ANO6: variants seen among roughly 807,000 people sequenced by gnomAD.
ANO6 encodes the protein anoctamin 6.
In ANO6, 106 loss-of-function variants were observed where a neutral mutation model predicts 117.5. That is an observed-to-expected ratio of 0.90 (90% CI 0.77 to 1.06). ANO6 has a LOEUF of 1.06. Ranked by LOEUF, ANO6 falls within the 50% of genes least tolerant of loss-of-function variation. The pLI is 0.00. For synonymous variants in ANO6, 367 were observed against 385.1 expected, an observed-to-expected ratio of 0.95 and a Z score of 0.55; for missense variants, 955 against 1,121.1, an observed-to-expected ratio of 0.85 and a Z score of 2.12.
intron 1 of ANO6, 111 bp downstream of exon 1, chr12:45,216,502 C>T: frequency 2.4e-6 from 3 of 1,249,762 alleles, no homozygotes; most frequent in Non-Finnish European, 3.3e-6. Flanking sequence ...GGCCGAGACG[C>T]TCGGCCGCTC....
At chr12:45,440,065 T>A in exon 20 of ANO6, 1 of 985,558 alleles carries the variant, frequency 1.0e-6, no homozygotes, top group Non-Finnish European at 1.3e-6. Context: ...TTAAGACCAT[T>A]AATTTTCCTC....
chr12:45,278,095 A>G lies in ANO6; in HGVS notation c.71-23919A>G, dbSNP rs200346306. On this transcript the variant is annotated intron_variant, in intron 1 of 19. Transcript: ENST00000320560. ...AACCACCCTCCACCTCGTAGCTAAG[A>G]CTATATGCATGCACCACACCTGGCT... Among the ~76,000 whole-genome samples the G allele has an allele frequency of 2.0e-4, 30 of 151,912 alleles. No individual in the cohort carries two copies. The East Asian group carries it at 4.8e-3, about 24-fold the overall frequency.
At chr12:45,270,644 G>C (rs555627294) in intron 1 of ANO6, 39 of 449,418 alleles carry the variant, frequency 8.7e-5, no homozygotes, top group African/African-American at 6.7e-4. Flanking sequence ...TGGGGTTTCA[G>C]ATAATATTTG....
At position 45,357,404 on chromosome 12, in the gene ANO6, T is replaced by C. The variant is rs1941440776; in HGVS notation, c.978T>C (p.Asn326=). The C allele has an allele frequency of 1.9e-6, 3 of 1,613,636 alleles. No homozygotes were observed. The highest frequency in any genetic ancestry group is 2.5e-6 in the Non-Finnish European group (3 of 1,179,992). ...CTTGCTTTCTCTATGGATATCTTAA[T>C]CAAGATAACTGTACATGGAGGTAAC... is the stretch of plus-strand genomic sequence containing the variant. ...GVACFLYGYL[N]QDNCTWSKEV... Residue 326 remains asparagine (N), a synonymous_variant, in exon 8 of 20, where the codon AAT becomes AAC. Transcript: ENST00000320560.
In ANO6 at chr12:45,416,841, C is replaced by T. The variant is rs1215680794; in HGVS notation, c.2154C>T (p.Ala718=). The T allele has an allele frequency of 6.2e-7, 1 of 1,614,110 alleles. No homozygotes were observed. Among genetic ancestry groups the T allele is most frequent in the East Asian group, 2.2e-5 (1 of 44,876 alleles). ...TTAGACGCCTGGTACCAGAGAAAGC[C>T]CAAGACATTGGAGCATGGCAGCCCA... is the stretch of plus-strand genomic sequence containing the variant. ...TQFRRLVPEK[A]QDIGAWQPIM... is the part of the protein sequence containing the mutation. Residue 718 remains alanine (A), a synonymous_variant, in exon 17 of 20, where the codon GCC becomes GCT. Coordinates refer to ENST00000320560, the MANE Select transcript of ANO6 (RefSeq NM_001025356.3).
At chr12:45,221,952 GCTCACGGCAA>G (rs1947406993) in intron 1 of ANO6, among the ~76,000 whole-genome samples, 5 of 147,308 alleles carry the variant, frequency 3.4e-5, no homozygotes, top group Admixed American at 1.4e-4. Flanking sequence ...CGTGATCTCA[GCTCACGGCAA>G]GCTCCGCCTC....
In ANO6 at chr12:45,418,726, G is replaced by T. The variant is rs564217369; in HGVS notation, c.2217+1822G>T. ...ATGGAGGATTGGCTGTTTCCAAGGCGACTCAGTGTGTGTATGTGTACAGAC... is the reference window on the plus strand; with the variant it reads ...ATGGAGGATTGGCTGTTTCCAAGGCTACTCAGTGTGTGTATGTGTACAGAC... On this transcript the variant is annotated intron_variant, in intron 17 of 19. Transcript: ENST00000320560. Among the ~76,000 whole-genome samples the T allele has an allele frequency of 7.2e-5, 11 of 152,226 alleles. No homozygotes were observed. In the South Asian group the frequency reaches 2.1e-3, roughly 29 times the overall value.
chr12:45,423,074 A>G lies in ANO6; in HGVS notation c.2526+12A>G. ...TCATTGTCATGGAGGTAGGAAAAGT[A>G]TGCTTTCAAACAGTTTATAAGGATG... is the stretch of plus-strand genomic sequence containing the variant. On this transcript the variant is annotated intron_variant, in intron 19 of 19. Transcript: ENST00000320560. The G allele has an allele frequency of 6.3e-7, 1 of 1,584,752 alleles. No homozygotes were observed. The highest frequency in any genetic ancestry group is 8.7e-7 in the Non-Finnish European group (1 of 1,153,326).
chr12:45,351,748 T>C (rs542068488), intron 7 of ANO6, among the ~76,000 whole-genome samples: 3 of 152,226 alleles, frequency 2.0e-5, no homozygotes, highest in South Asian at 2.1e-4. Flanking sequence ...CAGAGACCAG[T>C]GCTAGTGAGA....
At chr12:45,417,072 TTTTG>T (rs1488669745) in intron 17 of ANO6, among the ~76,000 whole-genome samples, 168 bp downstream of exon 17, 4 of 152,212 alleles carry the variant, frequency 2.6e-5, no homozygotes, top group Admixed American at 1.3e-4. Flanking sequence ...TGTATTTTCA[TTTTG>T]TATATAATTA....
intron 12 of ANO6, among the ~76,000 whole-genome samples, chr12:45,392,825 C>A (rs1335973587): frequency 6.6e-6 from 1 of 152,192 alleles, no homozygotes; most frequent in Non-Finnish European, 1.5e-5. Flanking sequence ...TCATCTACAC[C>A]AAAACCCCAT....
chr12:45,350,807 G>A (rs758609371), intron 7 of ANO6, 33 bp downstream of exon 7: 53 of 1,540,040 alleles, frequency 3.4e-5, no homozygotes, highest in Non-Finnish European at 4.7e-5. Flanking sequence ...CCAGGGGGAG[G>A]CACTCAGGGT....
chr12:45,328,006 A>G (rs2137390434), intron 2 of ANO6, among the ~76,000 whole-genome samples: 1 of 152,132 alleles, frequency 6.6e-6, no homozygotes, highest in East Asian at 1.9e-4. Context: ...ATTCTGGGCC[A>G]TTCCTGAGTA....
chr12:45,240,646 T>C (rs1245017182), intron 1 of ANO6, among the ~76,000 whole-genome samples: 3 of 151,954 alleles, frequency 2.0e-5, no homozygotes, highest in Non-Finnish European at 4.4e-5. Flanking sequence ...TTCATAGCAT[T>C]GATGGTCTTT....
intron 1 of ANO6, 117 bp downstream of exon 1, chr12:45,216,508 C>T: frequency 8.3e-7 from 1 of 1,198,854 alleles, no homozygotes; most frequent in South Asian, 1.4e-5. Context: ...GACGCTCGGC[C>T]GCTCCGGGCA....
chr12:45,361,947 C>G (rs1359097258), intron 8 of ANO6, among the ~76,000 whole-genome samples: 2 of 151,948 alleles, frequency 1.3e-5, no homozygotes, highest in African/African-American at 2.4e-5. Context: ...GATATTAGGT[C>G]TCTAGTTTTC....
In ANO6 at chr12:45,429,889, A is replaced by C; in HGVS notation, c.*578A>C. The C allele has an allele frequency of 1.0e-6, 1 of 989,568 alleles. No individual in the cohort carries two copies. The highest frequency in any genetic ancestry group is 1.7e-5 in the African/African-American group (1 of 57,370). 61.3% of individuals were successfully genotyped at this position (989,568 alleles called of 1,614,324 possible). ...ATCAGAGGAAATAGTTTCAGTCTTC[A>C]TTTGAGCATGTCTTTCCATCTCAAA... On this transcript the variant is annotated 3_prime_UTR_variant, in exon 20 of 20. Coordinates refer to ENST00000320560, the MANE Select transcript of ANO6 (RefSeq NM_001025356.3).
chr12:45,309,076 T>TA (rs1939767681), intron 2 of ANO6, among the ~76,000 whole-genome samples: 1 of 152,130 alleles, frequency 6.6e-6, no homozygotes, highest in East Asian at 1.9e-4. Context: ...TCTTTTTGAA[T>TA]ATTTCTTAAA....
chr12:45,403,558 C>T (rs1280562887), intron 15 of ANO6, 22 bp downstream of exon 15: 1 of 1,585,424 alleles, frequency 6.3e-7, no homozygotes, highest in Non-Finnish European at 8.7e-7. Context: ...ATTGTATAGC[C>T]ATGGGTAAAA....
Sources: gnomAD v4.1 joint callset for allele counts (sites outside exome capture counted in the v4.1 genomes callset) on GRCh38, gnomAD v4.1.1 for gene constraint, MANE v1.5 for transcripts, NCBI Gene and HGNC (gene_info 2026-07-23, HGNC 2026-07-21) for gene names.